Variants in NOVA1 observed in about 807,000 individuals in gnomAD.
NOVA1 encodes the protein NOVA alternative splicing regulator 1, also known as RNA-binding protein Nova-1.
Under a neutral mutation model 38.0 loss-of-function variants are expected in NOVA1, and 7 were observed. That is an observed-to-expected ratio of 0.18 (90% CI 0.10 to 0.35). NOVA1 has a LOEUF of 0.35. Ranked by LOEUF, NOVA1 falls within the 10% of genes least tolerant of loss-of-function variation. The pLI, the probability that NOVA1 is intolerant of heterozygous loss-of-function variation, is 1.00. For missense variants in NOVA1, 460 were observed against 616.0 expected (o/e 0.75, Z 2.68); for synonymous variants, 270 against 232.5 (o/e 1.16, Z -1.47).
At chr14:26,481,813 T>C (rs1307070023) in intron 2 of NOVA1, among the ~76,000 whole-genome samples, 2 of 152,012 alleles carry the variant, frequency 1.3e-5, no homozygotes, top group Non-Finnish European at 2.9e-5. Context: ...CAAGGTTGTA[T>C]TAAGTGTCCA....
At chr14:26,493,885 T>G (rs1367617612) in intron 2 of NOVA1, among the ~76,000 whole-genome samples, 3 of 152,152 alleles carry the variant, frequency 2.0e-5, no homozygotes, top group Non-Finnish European at 2.9e-5. Context: ...AGTATTTCAC[T>G]ACCCCTGCTC....
intron 2 of NOVA1, among the ~76,000 whole-genome samples, chr14:26,547,249 G>A (rs1329318828): frequency 1.3e-5 from 2 of 152,060 alleles, no homozygotes; most frequent in South Asian, 4.1e-4. Context: ...TATGAGGAAG[G>A]CCCTTTGAAA....
In NOVA1 at chr14:26,444,216, T is replaced by C. The variant is rs899139857; in HGVS notation, c.*3743A>G. 3 of 152,142 alleles carry C rather than the reference T, an allele frequency of 2.0e-5. No individual in the cohort carries two copies. Among genetic ancestry groups the C allele is most frequent in the Non-Finnish European group, 2.9e-5 (2 of 68,020 alleles). The allele number at this position is 152,142 out of a possible 1,614,324, so 9.4% of individuals were successfully genotyped here. The stretch of plus-strand genomic sequence containing the variant: ...TTGTTAAATTACTAAAATCTACCAA[T>C]TTAATGCTTTCATACTGTTTATTTT... On this transcript the variant is annotated 3_prime_UTR_variant, in exon 5 of 5. Transcript: ENST00000539517.
chr14:26,576,469 T>C (rs1309526471), intron 2 of NOVA1, among the ~76,000 whole-genome samples: 3 of 151,756 alleles, frequency 2.0e-5, no homozygotes, highest in Non-Finnish European at 4.4e-5. Context: ...CAGGCAAATA[T>C]TGACCATTTT....
chr14:26,473,604 C>G (rs1231500621), intron 3 of NOVA1, among the ~76,000 whole-genome samples: 1 of 151,666 alleles, frequency 6.6e-6, no homozygotes, highest in Admixed American at 6.6e-5. Flanking sequence ...TACAATAAAG[C>G]CATTAAGAGT....
intron 2 of NOVA1, among the ~76,000 whole-genome samples, chr14:26,552,750 CA>C (rs1190731538): frequency 1.3e-5 from 2 of 151,812 alleles, no homozygotes; most frequent in Non-Finnish European, 2.9e-5. Context: ...GTGTATAAAC[CA>C]AAAATAAAGC....
intron 4 of NOVA1, among the ~76,000 whole-genome samples, chr14:26,467,776 C>T (rs1884260868): frequency 6.6e-6 from 1 of 152,138 alleles, no homozygotes; most frequent in African/African-American, 2.4e-5. Flanking sequence ...GGTACAAATG[C>T]TGCTTCATTA....
chr14:26,587,891 C>T (rs1356542940), intron 2 of NOVA1, among the ~76,000 whole-genome samples: 1 of 151,038 alleles, frequency 6.6e-6, no homozygotes, highest in African/African-American at 2.4e-5. Context: ...TCTTAAAACA[C>T]AGTCTCAGTC....
chr14:26,501,163 A>G (rs948546826), intron 2 of NOVA1, among the ~76,000 whole-genome samples: 3 of 152,046 alleles, frequency 2.0e-5, no homozygotes, highest in Non-Finnish European at 2.9e-5. Context: ...GAAGGTAGCA[A>G]TTCAGTGCTA....
chr14:26,524,171 T>C (rs1200105361), intron 2 of NOVA1, among the ~76,000 whole-genome samples: 1 of 152,126 alleles, frequency 6.6e-6, no homozygotes, highest in African/African-American at 2.4e-5. Context: ...TACAACTAAT[T>C]ACCCCAAAAA....
At chr14:26,496,661 G>T (rs549180875) in intron 2 of NOVA1, among the ~76,000 whole-genome samples, 2 of 152,204 alleles carry the variant, frequency 1.3e-5, no homozygotes, top group Admixed American at 6.5e-5. Context: ...ATCTTGAATT[G>T]ATTTTTGTAT....
intron 2 of NOVA1, among the ~76,000 whole-genome samples, chr14:26,536,057 G>A (rs111942207): frequency 8.7e-4 from 133 of 152,066 alleles, no homozygotes; most frequent in African/African-American, 3.0e-3. Flanking sequence ...GTCATTTGCA[G>A]TAACATGGCT....
Position 26,448,981 on chromosome 14 carries a change from A to T in NOVA1, c.520-18T>A. ...ATCTTTACCTGTAATTAAAAAAAAT[A>T]CGTATAAATAATACTTCTGTTTTGT... On this transcript the variant is annotated intron_variant, in intron 4 of 4. Transcript: ENST00000539517. The surrounding 1 kb of genome is among the most constrained non-coding windows in gnomAD (Gnocchi z 5.3). 1 of 1,578,016 alleles carries T rather than the reference A, an allele frequency of 6.3e-7. No individual in the cohort carries two copies. The highest frequency in any genetic ancestry group is 8.6e-7 in the Non-Finnish European group (1 of 1,160,736).
At chr14:26,464,024 A>G (rs1485494975) in intron 4 of NOVA1, among the ~76,000 whole-genome samples, 1 of 152,228 alleles carries the variant, frequency 6.6e-6, no homozygotes, top group Non-Finnish European at 1.5e-5. Context: ...CACGCATGGC[A>G]AAATAAAAAA....
chr14:26,597,177 T>G (rs1894246828), intron 1 of NOVA1, 124 bp downstream of exon 1: 1 of 1,138,906 alleles, frequency 8.8e-7, no homozygotes, highest in Non-Finnish European at 1.1e-6. Context: ...GCCGCCGGGT[T>G]CGGGCTGGAG....
At chr14:26,483,848 T>A (rs571461200) in intron 2 of NOVA1, among the ~76,000 whole-genome samples, 1 of 152,312 alleles carries the variant, frequency 6.6e-6, no homozygotes, top group South Asian at 2.1e-4. Context: ...TGACTAAATG[T>A]AAGGCAGAAT....
chr14:26,443,808 A>G lies in NOVA1; in HGVS notation c.*4151T>C, dbSNP rs1881867916. On this transcript the variant is annotated 3_prime_UTR_variant, in exon 5 of 5. Coordinates refer to ENST00000539517, the MANE Select transcript of NOVA1 (RefSeq NM_002515.3). ...TCAGTTAAGTAACGTGTGTACATTAAATTTATGACTGTATTGCACTCAAAA... is the reference window on the plus strand; with the variant it reads ...TCAGTTAAGTAACGTGTGTACATTAGATTTATGACTGTATTGCACTCAAAA... 1 of 152,030 alleles carries G rather than the reference A, an allele frequency of 6.6e-6. No individual in the cohort carries two copies. Among genetic ancestry groups the G allele is most frequent in the South Asian group, 2.1e-4 (1 of 4,822 alleles). 9.4% of individuals were successfully genotyped at this position (152,030 alleles called of 1,614,324 possible). A position where few individuals can be genotyped will look rare whatever the true frequency, so the allele number is the denominator to read the frequency against.
At chr14:26,571,758 T>C (rs906092053) in intron 2 of NOVA1, among the ~76,000 whole-genome samples, 2 of 152,194 alleles carry the variant, frequency 1.3e-5, no homozygotes, top group Admixed American at 1.3e-4. Context: ...AAGAAGGCAT[T>C]AATGGCCAGT....
chr14:26,490,131 A>T (rs1229537904), intron 2 of NOVA1, among the ~76,000 whole-genome samples: 1 of 152,130 alleles, frequency 6.6e-6, no homozygotes, highest in Non-Finnish European at 1.5e-5. Flanking sequence ...TGTCTGGCTT[A>T]TTTTACTTAG....
Sources: gnomAD v4.1 joint callset for allele counts (sites outside exome capture counted in the v4.1 genomes callset) on GRCh38, gnomAD v4.1.1 for gene constraint, Gnocchi (gnomAD v3.1) non-coding constraint, MANE v1.5 for transcripts, NCBI Gene and HGNC (gene_info 2026-07-23, HGNC 2026-07-21) for gene names.